ROBO2: variants seen among roughly 807,000 people sequenced by gnomAD.
The protein encoded by ROBO2 is roundabout guidance receptor 2.
A neutral mutation model predicts 160.8 loss-of-function variants in ROBO2; 53 were observed. The ratio of observed to expected loss-of-function variants is 0.33; its 90% CI spans 0.26 to 0.41. ROBO2 has a LOEUF of 0.41. Ranked by LOEUF, ROBO2 falls within the 10% of genes least tolerant of loss-of-function variation. The pLI is 1.00. For synonymous variants in ROBO2, 664 were observed against 611.7 expected (o/e 1.09, Z -1.26); for missense variants, 1,577 against 1,722.4 (o/e 0.92, Z 1.49).
intron 17 of ROBO2, among the ~76,000 whole-genome samples, chr3:77,594,008 C>G (rs1334543872): frequency 6.6e-6 from 1 of 152,000 alleles, no homozygotes; most frequent in Non-Finnish European, 1.5e-5. Flanking sequence ...TTGGTTTAGC[C>G]AATCCACATT....
chr3:76,150,053 C>A (rs71315343), intron 2 of ROBO2, among the ~76,000 whole-genome samples: 4 of 113,786 alleles, frequency 3.5e-5, no homozygotes, highest in Non-Finnish European at 5.5e-5. Flanking sequence ...TAAAGCACAC[C>A]TCTGTTTAAA....
intron 2 of ROBO2, among the ~76,000 whole-genome samples, chr3:76,697,755 G>A (rs1019516418): frequency 3.3e-5 from 5 of 152,010 alleles, no homozygotes; most frequent in African/African-American, 1.2e-4. Context: ...CCTACAAAAT[G>A]TCATTTTCTA....
rs760719661 is a variant in ROBO2 at position 76,113,719 on chromosome 3, A to C, written c.109+176117A>C. Among the ~76,000 whole-genome samples the C allele has an allele frequency of 3.3e-5, 5 of 152,222 alleles. No individual in the cohort carries two copies. In the East Asian group the frequency reaches 9.7e-4, roughly 29 times the overall value. On this transcript the variant is annotated intron_variant, in intron 2 of 26. Transcript: ENST00000487694. ...GCACTTATAAGGCCAGAACCCTCAT[A>C]ATATAGATTGGATGTTTTGCCTTCC...
chr3:76,279,792 A>G (rs1300756505), intron 2 of ROBO2, among the ~76,000 whole-genome samples: 1 of 152,024 alleles, frequency 6.6e-6, no homozygotes, highest in African/African-American at 2.4e-5. Flanking sequence ...AATAAGATGA[A>G]AACAAAAGTC....
At chr3:76,712,768 T>A (rs2107621400) in intron 2 of ROBO2, among the ~76,000 whole-genome samples, 1 of 152,134 alleles carries the variant, frequency 6.6e-6, no homozygotes, top group South Asian at 2.1e-4. Context: ...TATAAAATCA[T>A]TTTCGCCAGC....
At chr3:77,218,584 G>T (rs1457685167) in intron 2 of ROBO2, among the ~76,000 whole-genome samples, 1 of 152,028 alleles carries the variant, frequency 6.6e-6, no homozygotes, top group East Asian at 1.9e-4. Context: ...ATCTTGGCCA[G>T]GCTGGTCTTG....
intron 2 of ROBO2, among the ~76,000 whole-genome samples, chr3:76,898,419 A>G (rs541793569): frequency 1.3e-5 from 2 of 152,214 alleles, no homozygotes; most frequent in African/African-American, 2.4e-5. Context: ...TGGCACATAT[A>G]ATTTATAAAT....
intron 2 of ROBO2, among the ~76,000 whole-genome samples, chr3:77,349,347 T>A (rs1448406081): frequency 6.6e-6 from 1 of 152,084 alleles, no homozygotes; most frequent in Non-Finnish European, 1.5e-5. Context: ...AAAACTCAAT[T>A]CTCTTGACTC....
chr3:76,113,243 T>C (rs768756254), intron 2 of ROBO2, among the ~76,000 whole-genome samples: 21 of 152,120 alleles, frequency 1.4e-4, no homozygotes, highest in Non-Finnish European at 2.5e-4. Flanking sequence ...GTAGGAAAGA[T>C]TAACAGAGGC....
chr3:76,449,670 G>C (rs575220222), intron 2 of ROBO2, among the ~76,000 whole-genome samples: 3 of 152,220 alleles, frequency 2.0e-5, no homozygotes, highest in Admixed American at 2.0e-4. Context: ...CAGTGTTTAA[G>C]TGTTTTGCAT....
chr3:76,595,838 A>G (rs1440270163), intron 2 of ROBO2, among the ~76,000 whole-genome samples: 1 of 152,102 alleles, frequency 6.6e-6, no homozygotes, highest in African/African-American at 2.4e-5. Flanking sequence ...CATATCCTCC[A>G]AATTTGGACA....
Position 77,481,092 on chromosome 3 carries a change from T to A in ROBO2, c.547-7T>A, listed in dbSNP as rs1426288799. ...CCTTCTCTTTTCTTTTTGTTTGATT[T>A]TAACAGATCCGTGGTGGAAAACTGA... On this transcript the variant is annotated splice_region_variant and splice_polypyrimidine_tract_variant and intron_variant, in intron 3 of 25. Transcript: ENST00000461745. 6.2e-7 allele frequency: 1 copy of A among 1,610,926 alleles called. No individual in the cohort carries two copies. Among genetic ancestry groups the A allele is most frequent in the Non-Finnish European group, 8.5e-7 (1 of 1,177,886 alleles).
intron 2 of ROBO2, among the ~76,000 whole-genome samples, chr3:76,274,523 A>G (rs1707804054): frequency 6.6e-6 from 1 of 152,114 alleles, no homozygotes; most frequent in African/African-American, 2.4e-5. Flanking sequence ...AATCTGTTCT[A>G]GAACAAAAAC....
intron 2 of ROBO2, among the ~76,000 whole-genome samples, chr3:76,829,933 G>A (rs139005897): frequency 5.3e-5 from 8 of 152,278 alleles, no homozygotes; most frequent in African/African-American, 1.9e-4. Context: ...CTCCCCAAGT[G>A]CTGGGATTAC....
intron 2 of ROBO2, among the ~76,000 whole-genome samples, chr3:76,333,169 G>A (rs988582442): frequency 1.8e-4 from 27 of 152,252 alleles, no homozygotes; most frequent in Middle Eastern, 3.4e-3. Flanking sequence ...TGTGACCTTG[G>A]ATAGCTTACA....
intron 2 of ROBO2, among the ~76,000 whole-genome samples, chr3:76,615,929 A>G (rs918917627): frequency 4.6e-5 from 7 of 152,204 alleles, no homozygotes; most frequent in African/African-American, 1.7e-4. Flanking sequence ...TTACAAAGCC[A>G]GCAAGTGCCA....
chr3:76,913,309 G>A, intron 2 of ROBO2, among the ~76,000 whole-genome samples: 1 of 152,070 alleles, frequency 6.6e-6, no homozygotes, highest in East Asian at 1.9e-4. Context: ...TCATTACGGA[G>A]GGAGTCACGC....
intron 2 of ROBO2, among the ~76,000 whole-genome samples, chr3:76,011,076 C>T (rs1321923396): frequency 6.6e-6 from 1 of 152,130 alleles, no homozygotes; most frequent in Non-Finnish European, 1.5e-5. Flanking sequence ...AAGAAAACTG[C>T]GGAAGCCTTT....
chr3:76,681,637 A>G (rs1006879885), intron 2 of ROBO2, among the ~76,000 whole-genome samples: 1 of 152,214 alleles, frequency 6.6e-6, no homozygotes, highest in Non-Finnish European at 1.5e-5. Flanking sequence ...AACAGCATCC[A>G]GGAGAGAAAT....
Sources: gnomAD v4.1 joint callset for allele counts (sites outside exome capture counted in the v4.1 genomes callset) on GRCh38, gnomAD v4.1.1 for gene constraint, MANE v1.5 for transcripts, NCBI Gene and HGNC (gene_info 2026-07-23, HGNC 2026-07-21) for gene names.